The following DCDC2C variants were observed in gnomAD, a reference collection of about 807,000 sequenced individuals.
The protein encoded by DCDC2C is doublecortin domain containing 2C.
DCDC2C carries 44 observed loss-of-function variants against 45.0 expected under a neutral mutation model. The observed-to-expected ratio is 0.98, with a 90% confidence interval of 0.77 to 1.26. The LOEUF is 1.26. Among genes scored for constraint, DCDC2C ranks in the 50% most tolerant of loss-of-function variants. The pLI, the probability that DCDC2C is intolerant of heterozygous loss-of-function variation, is 0.00. For missense variants in DCDC2C, 447 were observed against 468.9 expected (o/e 0.95, Z 0.43); for synonymous variants, 187 against 178.8 (o/e 1.05, Z -0.37).
At chr2:3,720,393 G>A (rs141916020) in intron 2 of DCDC2C, among the ~76,000 whole-genome samples, 7 of 152,296 alleles carry the variant, frequency 4.6e-5, no homozygotes, top group African/African-American at 7.2e-5. Context: ...TCCCTAAAGA[G>A]CCACATTTGG....
chr2:3,781,842 G>A (rs2148176811), intron 9 of DCDC2C, among the ~76,000 whole-genome samples: 1 of 152,276 alleles, frequency 6.6e-6, no homozygotes. Context: ...TCCAGCCTGG[G>A]TGACAGAGAG....
intron 10 of DCDC2C, among the ~76,000 whole-genome samples, chr2:3,791,441 T>G (rs189776891): frequency 6.6e-6 from 1 of 152,316 alleles, no homozygotes; most frequent in African/African-American, 2.4e-5. Flanking sequence ...TTTGTTGTAT[T>G]CACGACAATT....
intron 5 of DCDC2C, 30 bp from the exon 6 acceptor site, chr2:3,754,562 A>G (rs1558210624): frequency 6.5e-7 from 1 of 1,547,800 alleles, no homozygotes; most frequent in Non-Finnish European, 8.7e-7. Flanking sequence ...CGGGCTTTAC[A>G]TTTCAAGTTG....
intron 3 of DCDC2C, among the ~76,000 whole-genome samples, chr2:3,737,369 C>G (rs376976735): frequency 1.3e-5 from 2 of 152,268 alleles, no homozygotes; most frequent in African/African-American, 4.8e-5. Flanking sequence ...GGCGGCCAGC[C>G]CAGGATGTCA....
At chr2:3,723,761 C>T (rs993104807) in intron 2 of DCDC2C, among the ~76,000 whole-genome samples, 7 of 151,998 alleles carry the variant, frequency 4.6e-5, no homozygotes, top group Non-Finnish European at 7.4e-5. Context: ...CTGACGGATG[C>T]GCAGATGGCA....
chr2:3,738,539 G>GAAAAAAAAAAAAA (rs752819998), intron 3 of DCDC2C, among the ~76,000 whole-genome samples: 1 of 55,248 alleles, frequency 1.8e-5, no homozygotes, highest in Non-Finnish European at 3.2e-5. Context: ...GGTCTATCTG[G>GAAAAAAAAAAAAA]GAAAAAAAAA....
At position 3,764,993 on chromosome 2, in the gene DCDC2C, G is replaced by A. The variant is rs535032495; in HGVS notation, c.727-2761G>A. ...ATGTAAGAGATGATGTTTCTGTTGT[G>A]AGGAAACACACTCTGAAGTATTAAA... is the stretch of plus-strand genomic sequence containing the variant. On this transcript the variant is annotated intron_variant, in intron 6 of 10. Coordinates refer to ENST00000399143, the MANE Select transcript of DCDC2C (RefSeq NM_001287444.2). Among the ~76,000 whole-genome samples the A allele has an allele frequency of 3.6e-3, 555 of 152,322 alleles. 2 individuals are homozygous for A. Among genetic ancestry groups the A allele is most frequent in the Non-Finnish European group, 6.6e-3 (448 of 68,020 alleles).
chr2:3,718,641 C>T (rs759671353), intron 2 of DCDC2C, among the ~76,000 whole-genome samples: 22 of 152,264 alleles, frequency 1.4e-4, no homozygotes, highest in Non-Finnish European at 2.1e-4. Flanking sequence ...CTGTTTTCAT[C>T]GCCATGCAGT....
intron 8 of DCDC2C, 34 bp downstream of exon 8, chr2:3,769,445 TCACTC>T (rs1031753147): frequency 5.2e-6 from 8 of 1,531,212 alleles, no homozygotes; most frequent in Non-Finnish European, 7.1e-6. Flanking sequence ...CATGCCGTCT[TCACTC>T]CATTCCATCA....
chr2:3,756,511 T>A (rs2148132967), intron 6 of DCDC2C, among the ~76,000 whole-genome samples: 1 of 152,292 alleles, frequency 6.6e-6, no homozygotes, highest in Admixed American at 6.5e-5. Flanking sequence ...TGCAAATAGC[T>A]TTGACTTTCT....
At chr2:3,817,646 G>A (rs1671587022) in intron 10 of DCDC2C, among the ~76,000 whole-genome samples, 1 of 152,216 alleles carries the variant, frequency 6.6e-6, no homozygotes, top group Admixed American at 6.5e-5. Context: ...AGGTTAAGTT[G>A]TTTGGACAGA....
chr2:3,703,963 G>T lies in DCDC2C; in HGVS notation c.212G>T (p.Arg71Leu). 1 of 1,313,420 alleles carries T rather than the reference G, an allele frequency of 7.6e-7. No homozygotes were observed. 81.4% of individuals were successfully genotyped at this position (1,313,420 alleles called of 1,614,324 possible). The stretch of plus-strand genomic sequence containing the variant: ...CTCTTCACGCCCACGCGTGGGCACC[G>T]GGTGCTGGGGCTGGACGCGCTGCAG... The part of the protein sequence containing the change: ...RRLFTPTRGH[R>L]VLGLDALQAG... The change falls in exon 1 of 11, where the codon CGG becomes CTG. Residue 71 changes from arginine (R) to leucine (L), a missense_variant. Physicochemically the swap from Arg to Leu is moderately radical, Grantham distance 102. Coordinates refer to ENST00000399143, the MANE Select transcript of DCDC2C (RefSeq NM_001287444.2). This position sits in a 1 kb window ranked among gnomAD's most constrained non-coding sequence, Gnocchi z 4.4.
rs869244524 is a variant in DCDC2C, at chr2:3,813,067, AT to A, written c.1065+27980del. 1.4e-3 allele frequency among the ~76,000 whole-genome samples: 40 copies of A among 29,168 alleles called. 3 individuals are homozygous for A. The highest frequency in any genetic ancestry group is 6.0e-3 in the East Asian group (3 of 496). The allele number at this position is 29,168 out of a possible 152,430, so 19.1% of individuals were successfully genotyped here. ...TATATATATATATATATATATATAT[AT>A]TTTTTTTTTTTTGCTGTTTTTGAGA... is the stretch of plus-strand genomic sequence containing the variant. On this transcript the variant is annotated intron_variant, in intron 10 of 10. Coordinates refer to ENST00000399143, the MANE Select transcript of DCDC2C (RefSeq NM_001287444.2).
intron 4 of DCDC2C, among the ~76,000 whole-genome samples, chr2:3,750,827 A>G (rs1051933548): frequency 1.2e-4 from 18 of 152,068 alleles, no homozygotes; most frequent in African/African-American, 4.3e-4. Context: ...CTCTTACTGT[A>G]ACTTCCTTTT....
chr2:3,840,083 C>T (rs558814024), intron 10 of DCDC2C, among the ~76,000 whole-genome samples: 2 of 152,234 alleles, frequency 1.3e-5, no homozygotes, highest in African/African-American at 2.4e-5. Flanking sequence ...ATATTATATT[C>T]GTGTGGATTT....
At chr2:3,721,697 A>G (rs141915688) in intron 2 of DCDC2C, among the ~76,000 whole-genome samples, 87 of 152,308 alleles carry the variant, frequency 5.7e-4, no homozygotes, top group African/African-American at 2.0e-3. Flanking sequence ...TAAAATTCCT[A>G]TGTGTCATGA....
chr2:3,736,757 G>A (rs1669045060), intron 3 of DCDC2C, among the ~76,000 whole-genome samples: 1 of 152,170 alleles, frequency 6.6e-6, no homozygotes, highest in Non-Finnish European at 1.5e-5. Context: ...TGAGAATTCT[G>A]CAGTTCTCAA....
At chr2:3,739,433 G>A (rs1669129947) in intron 3 of DCDC2C, among the ~76,000 whole-genome samples, 1 of 152,162 alleles carries the variant, frequency 6.6e-6, no homozygotes, top group Admixed American at 6.5e-5. Flanking sequence ...AAAAGCTTGA[G>A]ACCCTGGCAA....
chr2:3,824,489 G>A (rs1250584841), intron 10 of DCDC2C, among the ~76,000 whole-genome samples: 1 of 152,246 alleles, frequency 6.6e-6, no homozygotes, highest in Non-Finnish European at 1.5e-5. Context: ...CAGTCTGTAT[G>A]CCATGCAATG....
Sources: allele counts gnomAD v4.1 joint callset (sites outside exome capture counted in the v4.1 genomes callset), GRCh38; gene constraint gnomAD v4.1.1; non-coding constraint Gnocchi (gnomAD v3.1); transcripts MANE v1.5; gene names NCBI Gene and HGNC (gene_info 2026-07-23, HGNC 2026-07-21).